Variants in CEP350 observed in about 807,000 individuals in gnomAD.
The protein encoded by CEP350 is centrosome-associated protein 350.
In CEP350, 126 loss-of-function variants were observed where a neutral mutation model predicts 331.8. The ratio of observed to expected loss-of-function variants is 0.38; its 90% confidence interval spans 0.33 to 0.44. CEP350 has a LOEUF of 0.44. Among genes scored for constraint, CEP350 ranks in the 20% least tolerant of loss-of-function variants. The probability of loss-of-function intolerance (pLI) is 1.00; values close to 1 mark genes in which losing one functional copy is unlikely to be tolerated. For synonymous variants in CEP350, 1,200 were observed against 1,259.5 expected (o/e 0.95, Z 1.00); for missense variants, 3,406 against 3,634.6 (o/e 0.94, Z 1.62).
chr1:180,028,116 G>A (rs1173998498), intron 14 of CEP350, among the ~76,000 whole-genome samples: 3 of 152,118 alleles, frequency 2.0e-5, no homozygotes, highest in African/African-American at 7.2e-5. Flanking sequence ...AGTGTTCTGA[G>A]AATAAAAGAG....
At chr1:180,100,649 T>C (rs1205745752) in intron 37 of CEP350, among the ~76,000 whole-genome samples, 3 of 152,130 alleles carry the variant, frequency 2.0e-5, no homozygotes, top group Non-Finnish European at 4.4e-5. Context: ...AGTGTGTAAG[T>C]TATGCATAAA....
intron 26 of CEP350, among the ~76,000 whole-genome samples, chr1:180,064,270 C>T (rs1293375216): frequency 4.6e-5 from 7 of 152,052 alleles, no homozygotes; most frequent in South Asian, 2.1e-4. Context: ...TTTCCCTTAC[C>T]GGCCACCCTC....
chr1:179,960,821 C>G (rs937966444), intron 1 of CEP350, among the ~76,000 whole-genome samples: 1 of 151,918 alleles, frequency 6.6e-6, no homozygotes, highest in African/African-American at 2.4e-5. Flanking sequence ...ATTTTTCGAT[C>G]TGCTACTAAG....
At chr1:180,069,713 GTA>G (rs1356881745) in intron 27 of CEP350, among the ~76,000 whole-genome samples, 3 of 152,072 alleles carry the variant, frequency 2.0e-5, no homozygotes, top group South Asian at 2.1e-4. Flanking sequence ...AGAACTATCT[GTA>G]TCCTCATTTA....
In CEP350 at chr1:180,041,167, G is replaced by A; in HGVS notation, c.4140G>A (p.Leu1380=). The change falls in exon 18 of 38, where the codon TTG becomes TTA. Residue 1380 remains leucine (L), a synonymous_variant. Transcript: ENST00000367607. ...KAQQQRHERD[L]ALLKLKAEQE... ...AACAGCAACGCCATGAAAGAGACTT[G>A]GCCCTCTTGAAACTAAAGGCTGAAC... 6.3e-7 allele frequency: 1 copy of A among 1,597,110 alleles called. No individual in the cohort carries two copies. Among genetic ancestry groups the A allele is most frequent in the Non-Finnish European group, 8.5e-7 (1 of 1,171,704 alleles).
At chr1:180,065,338 T>C (rs1658487646) in intron 27 of CEP350, 66 bp downstream of exon 27, 8 of 1,427,924 alleles carry the variant, frequency 5.6e-6, no homozygotes, top group Non-Finnish European at 7.5e-6. Flanking sequence ...ATAACATTTG[T>C]AATAATACTT....
chr1:180,033,895 T>G lies in CEP350; in HGVS notation c.3759T>G (p.Thr1253=), dbSNP rs773054208. Residue 1253 remains threonine (T), a synonymous_variant, in exon 16 of 38, where the codon ACT becomes ACG. Coordinates refer to ENST00000367607, the MANE Select transcript of CEP350 (RefSeq NM_014810.5). ...CAGATAAGGGAAGATCTCAGAAAAC[T>G]CCAACTTCTCCCCTGTCACCAAGTT... The part of the protein sequence containing the change: ...VSSDKGRSQK[T]PTSPLSPSSQ... The G allele has an allele frequency of 5.6e-5, 90 of 1,613,772 alleles. No individual in the cohort carries two copies. The highest frequency in any genetic ancestry group is 7.5e-5 in the Non-Finnish European group (89 of 1,179,816).
chr1:180,106,964 G>C (rs1401455474), intron 37 of CEP350, among the ~76,000 whole-genome samples: 2 of 152,064 alleles, frequency 1.3e-5, no homozygotes, highest in African/African-American at 4.8e-5. Context: ...GTGGCCCATT[G>C]TTCCAGGCTA....
Position 179,996,720 on chromosome 1 carries a change from T to C in CEP350, c.563T>C (p.Val188Ala), listed in dbSNP as rs748736942. The change falls in exon 6 of 38, where the codon GTC (valine) becomes GCC (alanine). Residue 188 changes from valine (V) to alanine (A), a missense_variant. Transcript: ENST00000367607. ...SCDFESSQSS[V>A]INDTVVRFLN... ...GATTTTGAGAGCTCCCAATCATCTG[T>C]CATCAATGATACAGTTGTTAGGTTT... 1.2e-6 allele frequency: 2 copies of C among 1,613,678 alleles called. No individual in the cohort carries two copies. The highest frequency in any genetic ancestry group is 1.7e-6 in the Non-Finnish European group (2 of 1,179,744).
intron 9 of CEP350, among the ~76,000 whole-genome samples, chr1:180,012,944 A>C (rs770416823): frequency 1.3e-5 from 2 of 152,194 alleles, no homozygotes; most frequent in African/African-American, 2.4e-5. Flanking sequence ...CTTAACATTT[A>C]TTCAACAAAT....
chr1:180,080,317 T>C (rs1480065823), intron 29 of CEP350, among the ~76,000 whole-genome samples, 200 bp from the exon 30 acceptor site: 1 of 152,174 alleles, frequency 6.6e-6, no homozygotes, highest in Non-Finnish European at 1.5e-5. Context: ...TGAGGTCTTA[T>C]CCTTTATATA....
chr1:180,086,933 G>A lies in CEP350; in HGVS notation c.6286-645G>A, dbSNP rs148242895. Among the ~76,000 whole-genome samples the A allele has an allele frequency of 6.6e-5, 10 of 152,230 alleles. No individual in the cohort carries two copies. The East Asian group carries it at 1.9e-3, about 29-fold the overall frequency. On this transcript the variant is annotated intron_variant, in intron 31 of 37. Transcript: ENST00000367607. ...GGACATTGCGTACCAGACATACAGTGTTGAACAAAACACTAGTCTGAAATA... is the reference window on the plus strand; with the variant it reads ...GGACATTGCGTACCAGACATACAGTATTGAACAAAACACTAGTCTGAAATA...
rs1656961097 is a variant in CEP350 at position 180,044,151 on chromosome 1, G to A, written c.4600G>A (p.Gly1534Arg). The A allele has an allele frequency of 1.3e-6, 2 of 1,566,922 alleles. No individual in the cohort carries two copies. The highest frequency in any genetic ancestry group is 2.7e-5 in the African/African-American group (2 of 73,942). Reference sequence around the variant, plus strand: ...ATATGATAGTTATTCTGAGTCTTCAGGATACAAGAATCATGATAGAAGGTG... The same window carrying A: ...ATATGATAGTTATTCTGAGTCTTCAAGATACAAGAATCATGATAGAAGGTG... ...ASYDSYSESS[G>R]YKNHDRRSSS... Residue 1534 changes from glycine to arginine, a missense_variant, in exon 21 of 38, where the codon GGA becomes AGA. Transcript: ENST00000367607.
At chr1:180,038,703 C>T (rs990145261) in intron 17 of CEP350, among the ~76,000 whole-genome samples, 14 of 152,026 alleles carry the variant, frequency 9.2e-5, no homozygotes, top group African/African-American at 3.4e-4. Flanking sequence ...TCTTTTACCC[C>T]CTTCATTATG....
Position 180,053,045 on chromosome 1 carries a change from C to A in CEP350, c.4868C>A (p.Ser1623Ter). ...SMTEDEIEEQ[S>*]FRSLLPSESH... Reference sequence around the variant, plus strand: ...ACAGAAGATGAAATAGAAGAACAATCATTTCGATCATTACTACCTTCAGAG... The same window carrying A: ...ACAGAAGATGAAATAGAAGAACAATAATTTCGATCATTACTACCTTCAGAG... Residue 1623 changes from serine to a stop codon, truncating the protein, a stop_gained, in exon 23 of 38, where the codon TCA becomes TAA. Coordinates refer to ENST00000367607, the MANE Select transcript of CEP350 (RefSeq NM_014810.5). LOFTEE classifies it high-confidence loss of function. 2 of 1,531,374 alleles carry A rather than the reference C, an allele frequency of 1.3e-6. No individual in the cohort carries two copies. Among genetic ancestry groups the A allele is most frequent in the Non-Finnish European group, 1.8e-6 (2 of 1,107,006 alleles). 94.9% of individuals were successfully genotyped at this position (1,531,374 alleles called of 1,614,324 possible). A position where few individuals can be genotyped will look rare whatever the true frequency, so the allele number is the denominator to read the frequency against.
At chr1:180,031,842 G>A (rs1309711280) in intron 15 of CEP350, among the ~76,000 whole-genome samples, 1 of 152,046 alleles carries the variant, frequency 6.6e-6, no homozygotes, top group East Asian at 1.9e-4. Context: ...GCTTTGTGAG[G>A]TCATAGATCA....
rs753666365 is a variant in CEP350 at position 180,075,193 on chromosome 1, A to G, written c.5739A>G (p.Glu1913=). Residue 1913 remains glutamate, a synonymous_variant, in exon 28 of 38, where the codon GAA becomes GAG. Transcript: ENST00000367607. ...TAAAACCCAAAACTCCTAAGAAAGAACTGGAGGACCAGAGAACAGAACAGA... is the reference window on the plus strand; with the variant it reads ...TAAAACCCAAAACTCCTAAGAAAGAGCTGGAGGACCAGAGAACAGAACAGA... The part of the protein sequence containing the change: ...ELIKPKTPKK[E]LEDQRTEQKE... The G allele has an allele frequency of 3.7e-6, 6 of 1,612,768 alleles. No individual in the cohort carries two copies. The Admixed American group carries it at 8.4e-5, about 22-fold the overall frequency.
chr1:180,076,888 G>T (rs992188967), intron 28 of CEP350, among the ~76,000 whole-genome samples: 2 of 152,072 alleles, frequency 1.3e-5, no homozygotes, highest in African/African-American at 4.8e-5. Flanking sequence ...CTGATAAAAG[G>T]TATTAACAAA....
chr1:180,063,256 T>G (rs1257486099), intron 26 of CEP350, among the ~76,000 whole-genome samples: 2 of 135,680 alleles, frequency 1.5e-5, no homozygotes, highest in African/African-American at 5.4e-5. Context: ...AATGGTGCAA[T>G]CACAGCTCAC....
Sources: allele counts gnomAD v4.1 joint callset (sites outside exome capture counted in the v4.1 genomes callset), GRCh38; gene constraint gnomAD v4.1.1; transcripts MANE v1.5; gene names NCBI Gene and HGNC (gene_info 2026-07-23, HGNC 2026-07-21).